Variants in SCFD2 observed in about 807,000 individuals in gnomAD.
The protein encoded by SCFD2 is sec1 family domain containing 2.
SCFD2 carries 54 observed loss-of-function variants against 58.9 expected under a neutral mutation model. The observed-to-expected ratio is 0.92, with a 90% CI of 0.74 to 1.15. The LOEUF is 1.15. SCFD2 is among the 50% of genes most tolerant of loss of function. The pLI is 0.00. For synonymous variants in SCFD2, 321 were observed against 335.9 expected (o/e 0.96, Z 0.49); for missense variants, 805 against 836.6 (o/e 0.96, Z 0.47).
In SCFD2 at chr4:53,314,720, A is replaced by G. The variant is rs74763406; in HGVS notation, c.1008-957T>C. On this transcript the variant is annotated intron_variant, in intron 2 of 8. Coordinates refer to ENST00000401642, the MANE Select transcript of SCFD2 (RefSeq NM_152540.4). The stretch of plus-strand genomic sequence containing the variant: ...TAATTTAGTTTTAAAGTTATACCTA[A>G]TAAGACATATCTTCCAAATTTGAAT... Among the ~76,000 whole-genome samples the G allele has an allele frequency of 8.5e-3, 1,302 of 152,316 alleles. 13 individuals carry two copies. The highest frequency in any genetic ancestry group is 0.03 in the African/African-American group (1,239 of 41,582).
rs1049014673 is a variant in SCFD2 at position 52,878,631 on chromosome 4, A to C, written c.1963-4570T>G. Among the ~76,000 whole-genome samples the C allele has an allele frequency of 2.0e-5, 3 of 152,358 alleles. No individual in the cohort carries two copies. The East Asian group carries it at 5.8e-4, about 29-fold the overall frequency. ...GCCCTAAACAGGAACAAAGATGCTC[A>C]AAAATGAAAAAGAAAATAGAAGAGT... On this transcript the variant is annotated intron_variant, in intron 8 of 8. Transcript: ENST00000401642.
In SCFD2 at chr4:53,235,831, G is replaced by T. The variant is rs1218175020; in HGVS notation, c.1311+37995C>A. On this transcript the variant is annotated intron_variant, in intron 4 of 8. Transcript: ENST00000401642. ...TACATACGTGTGTGCATACATATGT[G>T]TGTATAAGGACAAAAAGGGAAATCT... 2.6e-5 allele frequency among the ~76,000 whole-genome samples: 4 copies of T among 152,182 alleles called. No individual in the cohort carries two copies. The East Asian group carries it at 7.7e-4, about 29-fold the overall frequency.
intron 5 of SCFD2, among the ~76,000 whole-genome samples, chr4:53,088,708 T>C (rs1281875211): frequency 6.6e-6 from 1 of 152,074 alleles, no homozygotes; most frequent in Non-Finnish European, 1.5e-5. Context: ...CTGATTTAGA[T>C]GATATTTAGG....
chr4:52,905,211 C>A (rs958223950), intron 7 of SCFD2, among the ~76,000 whole-genome samples: 2 of 152,212 alleles, frequency 1.3e-5, no homozygotes, highest in African/African-American at 4.8e-5. Context: ...GATGGCCTCA[C>A]CTCTATCTCA....
At chr4:53,200,561 T>TA (rs1728198984) in intron 4 of SCFD2, among the ~76,000 whole-genome samples, 1 of 152,102 alleles carries the variant, frequency 6.6e-6, no homozygotes, top group Admixed American at 6.6e-5. Context: ...GTAAAAGCAA[T>TA]AATCTGTTTC....
intron 5 of SCFD2, among the ~76,000 whole-genome samples, chr4:53,142,436 AT>A (rs1236202968): frequency 6.6e-6 from 1 of 152,240 alleles, no homozygotes. Flanking sequence ...CATACAATAA[AT>A]TTTGCCACTC....
At chr4:53,112,381 TC>T (rs1725197125) in intron 5 of SCFD2, among the ~76,000 whole-genome samples, 1 of 152,122 alleles carries the variant, frequency 6.6e-6, no homozygotes, top group Non-Finnish European at 1.5e-5. Flanking sequence ...ATTTTGAACT[TC>T]TGACTTTAAC....
rs540619447 is a variant in SCFD2 at position 53,052,948 on chromosome 4, G to A, written c.1561+92385C>T. ...TCAGAACTGGCAAAACAGGCCAGGC[G>A]CCATGGCTCATGCCTGTAATCCCAG... On this transcript the variant is annotated intron_variant, in intron 5 of 8. Transcript: ENST00000401642. Among the ~76,000 whole-genome samples the A allele has an allele frequency of 6.0e-4, 91 of 152,190 alleles. 1 individual carries two copies. The highest frequency in any genetic ancestry group is 3.4e-3 in the Middle Eastern group (1 of 294).
In SCFD2 at chr4:53,214,860, T is replaced by G. The variant is rs1301342537; in HGVS notation, c.1311+58966A>C. Among the ~76,000 whole-genome samples the G allele has an allele frequency of 1.4e-4, 21 of 152,270 alleles. 1 individual carries two copies. The South Asian group carries it at 3.7e-3, about 27-fold the overall frequency. On this transcript the variant is annotated intron_variant, in intron 4 of 8. Transcript: ENST00000401642. ...TGTAAGGAAGGGATCCAGTTTCAGC[T>G]CTCTACATATGGCTAGCCAGTTTTC...
At chr4:53,132,936 A>C (rs1242327386) in intron 5 of SCFD2, among the ~76,000 whole-genome samples, 1 of 152,208 alleles carries the variant, frequency 6.6e-6, no homozygotes, top group Non-Finnish European at 1.5e-5. Flanking sequence ...AAATTTGATG[A>C]ATTACTGAGG....
In SCFD2 at chr4:53,316,002, G is replaced by A. The variant is rs369679991; in HGVS notation, c.1008-2239C>T. ...TGGCCTCCTAGACCATTCTTCTCCC[G>A]TATTCCAAGCAGAGGAACACTCTTT... On this transcript the variant is annotated intron_variant, in intron 2 of 8. Transcript: ENST00000401642. Among the ~76,000 whole-genome samples the A allele has an allele frequency of 1.2e-4, 19 of 152,036 alleles. 1 individual carries two copies. The highest frequency in any genetic ancestry group is 1.0e-3 in the South Asian group (5 of 4,818).
chr4:53,174,979 T>C (rs1727285807), intron 4 of SCFD2, among the ~76,000 whole-genome samples: 2 of 152,184 alleles, frequency 1.3e-5, no homozygotes, highest in African/African-American at 2.4e-5. Flanking sequence ...AGCTCCATAT[T>C]GACTATAGAA....
intron 5 of SCFD2, among the ~76,000 whole-genome samples, chr4:53,061,462 T>C (rs1723508126): frequency 6.6e-6 from 1 of 152,190 alleles, no homozygotes; most frequent in African/African-American, 2.4e-5. Flanking sequence ...TGGACCACCA[T>C]GATTCATCCA....
intron 3 of SCFD2, among the ~76,000 whole-genome samples, chr4:53,274,808 C>T (rs369388254): frequency 5.0e-4 from 76 of 152,278 alleles, no homozygotes; most frequent in African/African-American, 1.7e-3. Flanking sequence ...GCCATTCCTC[C>T]ATGCTATGCG....
At chr4:53,307,303 A>G (rs1187659656) in intron 3 of SCFD2, among the ~76,000 whole-genome samples, 2 of 152,212 alleles carry the variant, frequency 1.3e-5, no homozygotes, top group Non-Finnish European at 2.9e-5. Context: ...TATAAATAGC[A>G]TGCTTAGACA....
At chr4:53,318,266 G>C in intron 2 of SCFD2, among the ~76,000 whole-genome samples, 1 of 152,136 alleles carries the variant, frequency 6.6e-6, no homozygotes. Context: ...TTTAAGCAAT[G>C]ACTTTTGTTT....
intron 7 of SCFD2, among the ~76,000 whole-genome samples, chr4:52,893,910 G>A (rs1313926329): frequency 6.6e-6 from 1 of 152,118 alleles, no homozygotes; most frequent in African/African-American, 2.4e-5. Flanking sequence ...CTGTCCTTGG[G>A]CTCCCCAGGA....
chr4:53,204,071 G>A (rs557175320), intron 4 of SCFD2, among the ~76,000 whole-genome samples: 1 of 152,180 alleles, frequency 6.6e-6, no homozygotes, highest in South Asian at 2.1e-4. Context: ...GTGGGAATAT[G>A]TCTATTTCAA....
chr4:53,334,043 A>G (rs2149136403), intron 2 of SCFD2, among the ~76,000 whole-genome samples: 1 of 152,236 alleles, frequency 6.6e-6, no homozygotes, highest in East Asian at 1.9e-4. Context: ...AATCAAAACC[A>G]CAATGAGATA....
Sources: allele counts gnomAD v4.1 joint callset (sites outside exome capture counted in the v4.1 genomes callset), GRCh38; gene constraint gnomAD v4.1.1; transcripts MANE v1.5; gene names NCBI Gene and HGNC (gene_info 2026-07-23, HGNC 2026-07-21).